Variants in ARL15 observed in about 807,000 individuals in gnomAD.
The protein encoded by ARL15 is ARF like GTPase 15, also known as ADP-ribosylation factor-like protein 15.
ARL15 carries 19 observed loss-of-function variants against 25.2 expected under a neutral mutation model. The ratio of observed to expected loss-of-function variants is 0.75; its 90% CI spans 0.53 to 1.10. The LOEUF (loss-of-function observed/expected upper bound fraction) is 1.10, where lower values mean the gene tolerates loss of function less well. Among genes scored for constraint, ARL15 ranks in the 50% least tolerant of loss-of-function variants. ARL15 has a pLI of 0.00. For missense variants in ARL15, 220 were observed against 246.0 expected (o/e 0.89, Z 0.71); for synonymous variants, 94 against 86.8 (o/e 1.08, Z -0.46).
chr5:54,107,464 G>A (rs772500154), intron 4 of ARL15, among the ~76,000 whole-genome samples: 6 of 152,054 alleles, frequency 3.9e-5, no homozygotes, highest in Non-Finnish European at 8.8e-5. Context: ...AATATTAGAA[G>A]GTTTTAAAAT....
chr5:54,233,959 C>A (rs979899608), intron 1 of ARL15, among the ~76,000 whole-genome samples: 2 of 152,018 alleles, frequency 1.3e-5, no homozygotes, highest in African/African-American at 4.8e-5. Flanking sequence ...AAATATAGTT[C>A]TTTTTCATTT....
chr5:53,994,357 C>A (rs1748601111), intron 4 of ARL15, among the ~76,000 whole-genome samples: 1 of 152,186 alleles, frequency 6.6e-6, no homozygotes, highest in African/African-American at 2.4e-5. Flanking sequence ...CTTGTGGAAA[C>A]TGTAATGTTT....
intron 1 of ARL15, among the ~76,000 whole-genome samples, chr5:54,259,343 T>C (rs891677386): frequency 1.3e-5 from 2 of 152,184 alleles, no homozygotes; most frequent in African/African-American, 4.8e-5. Flanking sequence ...TCCTGATGAC[T>C]CACACCAGAG....
chr5:53,989,806 T>C (rs1748422959), intron 4 of ARL15, among the ~76,000 whole-genome samples: 1 of 152,170 alleles, frequency 6.6e-6, no homozygotes, highest in Non-Finnish European at 1.5e-5. Flanking sequence ...AATTAATTAG[T>C]GTTTATAAAG....
chr5:53,926,952 A>ATT (rs1561152818), intron 4 of ARL15, among the ~76,000 whole-genome samples: 4 of 138,442 alleles, frequency 2.9e-5, no homozygotes, highest in Non-Finnish European at 1.6e-5. Context: ...TTTTTTTTAA[A>ATT]AAAAAAAAAT....
At chr5:53,973,312 GC>G (rs1373009039) in intron 4 of ARL15, among the ~76,000 whole-genome samples, 1 of 152,066 alleles carries the variant, frequency 6.6e-6, no homozygotes, top group Non-Finnish European at 1.5e-5. Flanking sequence ...GGTGGCTCAC[GC>G]CTGTAATCCC....
Position 54,271,703 on chromosome 5 carries a change from A to C in ARL15, c.48+38729T>G, listed in dbSNP as rs374039990. 1.2e-3 allele frequency among the ~76,000 whole-genome samples: 183 copies of C among 152,292 alleles called. 1 individual carries two copies. The highest frequency in any genetic ancestry group is 4.2e-3 in the African/African-American group (174 of 41,560). Reference sequence around the variant, plus strand: ...TTACTACGTGCCAGAACATTAGCTAAACCCAAAAGAATAGAGAGGATGCAG... The same window carrying C: ...TTACTACGTGCCAGAACATTAGCTACACCCAAAAGAATAGAGAGGATGCAG... On this transcript the variant is annotated intron_variant, in intron 1 of 4. Transcript: ENST00000504924.
chr5:54,267,320 C>T (rs1369480062), intron 1 of ARL15, among the ~76,000 whole-genome samples: 8 of 152,032 alleles, frequency 5.3e-5, no homozygotes, highest in Non-Finnish European at 1.2e-4. Context: ...CTCGATCTCC[C>T]GACCTTGTGA....
At chr5:53,940,042 G>A (rs1161149103) in intron 4 of ARL15, among the ~76,000 whole-genome samples, 2 of 149,498 alleles carry the variant, frequency 1.3e-5, no homozygotes, top group Non-Finnish European at 3.0e-5. Flanking sequence ...GCAGAGGCGC[G>A]ATCTCGGCTC....
intron 1 of ARL15, among the ~76,000 whole-genome samples, chr5:54,186,466 C>A (rs755950859): frequency 2.5e-4 from 38 of 152,250 alleles, no homozygotes; most frequent in Non-Finnish European, 4.9e-4. Context: ...TAAAGGTGTG[C>A]TTTATTAAAG....
At chr5:54,066,265 G>T (rs1751228043) in intron 4 of ARL15, among the ~76,000 whole-genome samples, 1 of 152,118 alleles carries the variant, frequency 6.6e-6, no homozygotes, top group South Asian at 2.1e-4. Context: ...GGTAGGAAAA[G>T]AATTCACGAG....
chr5:54,310,524 A>G lies in ARL15; in HGVS notation c.-45T>C. 1.3e-6 allele frequency: 2 copies of G among 1,568,960 alleles called. No homozygotes were observed. Among genetic ancestry groups the G allele is most frequent in the South Asian group, 2.3e-5 (2 of 85,394 alleles). On this transcript the variant is annotated 5_prime_UTR_variant, in exon 1 of 5. Coordinates refer to ENST00000504924, the MANE Select transcript of ARL15 (RefSeq NM_019087.3). ...GGAACGGCTCCGAACCCGGAAAAAAAAAGCAGCGTCTCTGGCTGCGAGCGA... is the reference window on the plus strand; with the variant it reads ...GGAACGGCTCCGAACCCGGAAAAAAGAAGCAGCGTCTCTGGCTGCGAGCGA...
intron 3 of ARL15, among the ~76,000 whole-genome samples, chr5:54,147,058 T>G (rs1309294676): frequency 6.6e-6 from 1 of 152,150 alleles, no homozygotes; most frequent in Non-Finnish European, 1.5e-5. Context: ...TTCAACCAAT[T>G]CAGATAGCTG....
At chr5:54,157,813 TAC>T (rs1422399169) in intron 2 of ARL15, among the ~76,000 whole-genome samples, 1 of 152,226 alleles carries the variant, frequency 6.6e-6, no homozygotes, top group African/African-American at 2.4e-5. Flanking sequence ...TGCAAAGGTA[TAC>T]ACAGTCATCC....
intron 1 of ARL15, among the ~76,000 whole-genome samples, chr5:54,191,174 G>A (rs1428195820): frequency 1.3e-5 from 2 of 152,150 alleles, no homozygotes; most frequent in African/African-American, 4.8e-5. Flanking sequence ...TTTCAACCCT[G>A]AGGACATAAG....
chr5:54,249,880 T>G (rs1331834250), intron 1 of ARL15, among the ~76,000 whole-genome samples: 3 of 152,066 alleles, frequency 2.0e-5, no homozygotes, highest in Non-Finnish European at 4.4e-5. Flanking sequence ...AAAAACCGAG[T>G]TAGAGTGGCT....
intron 4 of ARL15, among the ~76,000 whole-genome samples, chr5:54,006,811 C>T (rs919856191): frequency 2.0e-5 from 3 of 151,994 alleles, no homozygotes; most frequent in African/African-American, 4.8e-5. Context: ...GTAAAACAGG[C>T]GGGGTGCGGT....
intron 3 of ARL15, among the ~76,000 whole-genome samples, chr5:54,114,417 A>AAAAAAATAAAAAT (rs1190191336): frequency 6.7e-6 from 1 of 148,964 alleles, no homozygotes. Flanking sequence ...AAAAAAAAAA[A>AAAAAAATAAAAAT]AAAAAGCAAC....
chr5:54,128,971 C>T (rs1753351963), intron 3 of ARL15, among the ~76,000 whole-genome samples: 1 of 152,108 alleles, frequency 6.6e-6, no homozygotes, highest in Non-Finnish European at 1.5e-5. Flanking sequence ...TCTCAAAGTG[C>T]TGGATTACAG....
Sources: allele counts gnomAD v4.1 joint callset (sites outside exome capture counted in the v4.1 genomes callset), GRCh38; gene constraint gnomAD v4.1.1; transcripts MANE v1.5; gene names NCBI Gene and HGNC (gene_info 2026-07-23, HGNC 2026-07-21).